Variants in IL1RAPL2 observed in about 807,000 individuals in gnomAD.
The protein encoded by IL1RAPL2 is X-linked interleukin-1 receptor accessory protein-like 2.
IL1RAPL2 carries 3 observed loss-of-function variants against 44.1 expected under a neutral mutation model. The ratio of observed to expected loss-of-function variants is 0.07; its 90% confidence interval spans 0.03 to 0.18. The LOEUF is 0.18. Among genes scored for constraint, IL1RAPL2 ranks in the 10% least tolerant of loss-of-function variants. The probability of loss-of-function intolerance (pLI) is 1.00; values close to 1 mark genes in which losing one functional copy is unlikely to be tolerated. For synonymous variants in IL1RAPL2, 181 were observed against 178.8 expected, an observed-to-expected ratio of 1.01 and a Z score of -0.10; for missense variants, 391 against 496.4, an observed-to-expected ratio of 0.79 and a Z score of 2.02.
intron 2 of IL1RAPL2, among the ~76,000 whole-genome samples, chrX:105,188,476 C>T (rs2033608895): frequency 9.0e-6 from 1 of 111,613 alleles, no homozygotes; most frequent in Admixed American, 9.5e-5. Flanking sequence ...CATGGCTTCA[C>T]TTTCAGAATG....
intron 2 of IL1RAPL2, among the ~76,000 whole-genome samples, chrX:104,893,386 G>T (rs1302671465): frequency 1.8e-5 from 2 of 111,187 alleles, no homozygotes; most frequent in Non-Finnish European, 3.8e-5. Context: ...TGACAGTGGG[G>T]TGTTAAAGTC....
intron 5 of IL1RAPL2, among the ~76,000 whole-genome samples, chrX:105,310,077 A>T (rs1320991975): frequency 9.0e-6 from 1 of 111,496 alleles, no homozygotes; most frequent in African/African-American, 3.3e-5. Flanking sequence ...GATGAAACTC[A>T]CAGTGAAACC....
At chrX:104,654,292 AAAAC>A (rs770036798) in intron 1 of IL1RAPL2, among the ~76,000 whole-genome samples, 10 of 111,802 alleles carry the variant, frequency 8.9e-5, no homozygotes, top group East Asian at 2.8e-4. Context: ...TCTTATGAAT[AAAAC>A]AAACAAAGAG....
intron 2 of IL1RAPL2, among the ~76,000 whole-genome samples, chrX:105,136,156 C>T (rs1487364575): frequency 8.9e-6 from 1 of 111,906 alleles, no homozygotes; most frequent in African/African-American, 3.2e-5. Flanking sequence ...GATGACTATT[C>T]ATTGCACTTG....
chrX:104,770,281 G>A (rs936920059), intron 2 of IL1RAPL2, among the ~76,000 whole-genome samples: 2 of 111,372 alleles, frequency 1.8e-5, no homozygotes, highest in African/African-American at 6.5e-5. Flanking sequence ...AGCATGGTAT[G>A]ATTCTGTGTA....
chrX:105,415,048 C>T (rs993333785), intron 5 of IL1RAPL2, among the ~76,000 whole-genome samples: 1 of 111,996 alleles, frequency 8.9e-6, no homozygotes, highest in African/African-American at 3.2e-5. Context: ...AAAGTCTTTG[C>T]TTTGCATCAA....
chrX:104,948,052 T>C (rs1280746577), intron 2 of IL1RAPL2, among the ~76,000 whole-genome samples: 2 of 110,523 alleles, frequency 1.8e-5, no homozygotes, highest in African/African-American at 6.6e-5. Flanking sequence ...CCCATGAGCA[T>C]GGAATATTCT....
intron 6 of IL1RAPL2, among the ~76,000 whole-genome samples, chrX:105,545,585 G>A (rs2036788479): frequency 8.9e-6 from 1 of 112,039 alleles, no homozygotes; most frequent in Admixed American, 9.5e-5. Context: ...GTCTTCTTCT[G>A]TTGGCTAATT....
chrX:105,000,550 G>A (rs940399475), intron 2 of IL1RAPL2, among the ~76,000 whole-genome samples: 2 of 111,247 alleles, frequency 1.8e-5, no homozygotes, highest in Admixed American at 9.6e-5. Flanking sequence ...TTTTATTCAT[G>A]TTCAAAAATG....
chrX:105,033,135 T>C (rs939498171), intron 2 of IL1RAPL2, among the ~76,000 whole-genome samples: 1 of 111,568 alleles, frequency 9.0e-6, no homozygotes, highest in Non-Finnish European at 1.9e-5. Flanking sequence ...GTGAGATGGG[T>C]TTCCTGAATA....
At chrX:104,708,014 T>A (rs1931390696) in intron 2 of IL1RAPL2, among the ~76,000 whole-genome samples, 1 of 111,299 alleles carries the variant, frequency 9.0e-6, no homozygotes. Flanking sequence ...AGGAGAGGAG[T>A]GTGGCAGGTC....
intron 2 of IL1RAPL2, among the ~76,000 whole-genome samples, chrX:105,016,517 G>A (rs2031179771): frequency 9.0e-6 from 1 of 111,257 alleles, no homozygotes; most frequent in African/African-American, 3.3e-5. Context: ...AGAATTTTTA[G>A]CATGAAGGGC....
chrX:105,437,025 GTATATATA>G (rs71694806), intron 5 of IL1RAPL2, among the ~76,000 whole-genome samples: 2 of 91,093 alleles, frequency 2.2e-5, no homozygotes, highest in African/African-American at 3.9e-5. Flanking sequence ...AAATATAAAC[GTATATATA>G]TATATATATA....
At chrX:105,505,942 G>C (rs375728993) in intron 6 of IL1RAPL2, among the ~76,000 whole-genome samples, 17 of 111,552 alleles carry the variant, frequency 1.5e-4, no homozygotes, top group African/African-American at 4.2e-4. Context: ...GAGATGGAAA[G>C]TGATTGTTTG....
chrX:104,913,287 A>G, intron 2 of IL1RAPL2, among the ~76,000 whole-genome samples: 1 of 108,873 alleles, frequency 9.2e-6, no homozygotes, highest in Non-Finnish European at 1.9e-5. Context: ...GTTGCTTTCG[A>G]TTTTCTAAGC....
intron 2 of IL1RAPL2, among the ~76,000 whole-genome samples, chrX:104,798,559 G>T (rs906586369): frequency 2.7e-5 from 3 of 110,901 alleles, no homozygotes; most frequent in Non-Finnish European, 5.7e-5. Flanking sequence ...CCAGCTACTC[G>T]GGAGGCTGAG....
intron 2 of IL1RAPL2, among the ~76,000 whole-genome samples, chrX:104,696,825 A>T (rs1399457910): frequency 1.8e-5 from 2 of 111,803 alleles, no homozygotes; most frequent in African/African-American, 6.5e-5. Context: ...CCTGTTATTT[A>T]TTTGTCAAAG....
At chrX:105,004,092 G>A (rs1387221014) in intron 2 of IL1RAPL2, among the ~76,000 whole-genome samples, 1 of 110,819 alleles carries the variant, frequency 9.0e-6, no homozygotes, top group Non-Finnish European at 1.9e-5. Flanking sequence ...CATAAAAGAT[G>A]TTTATAGTTC....
At chrX:105,196,703 C>T (rs782437671) in intron 3 of IL1RAPL2, among the ~76,000 whole-genome samples, 1 of 111,375 alleles carries the variant, frequency 9.0e-6, no homozygotes, top group South Asian at 3.8e-4. Flanking sequence ...AGGGATTCTA[C>T]AGTATGTTCT....
Sources: gnomAD v4.1 joint callset for allele counts (sites outside exome capture counted in the v4.1 genomes callset) on GRCh38, gnomAD v4.1.1 for gene constraint, MANE v1.5 for transcripts, NCBI Gene and HGNC (gene_info 2026-07-23, HGNC 2026-07-21) for gene names.